Variants in STK32A observed in about 807,000 individuals in gnomAD.
The protein encoded by STK32A is serine/threonine-protein kinase 32A.
Under a neutral mutation model 53.2 loss-of-function variants are expected in STK32A, and 41 were observed. The ratio of observed to expected loss-of-function variants is 0.77; its 90% confidence interval spans 0.60 to 1.00. The LOEUF (loss-of-function observed/expected upper bound fraction) is 1.00, where lower values mean the gene tolerates loss of function less well. STK32A is among the 50% of genes least tolerant of loss of function. The probability of loss-of-function intolerance (pLI) is 0.00; values close to 1 mark genes in which losing one functional copy is unlikely to be tolerated. For synonymous variants in STK32A, 166 were observed against 162.8 expected (o/e 1.02, Z -0.15); for missense variants, 458 against 485.8 (o/e 0.94, Z 0.54).
intron 2 of STK32A, among the ~76,000 whole-genome samples, chr5:147,275,147 G>T (rs1755198731): frequency 2.0e-5 from 3 of 151,996 alleles, no homozygotes; most frequent in Admixed American, 2.0e-4. Flanking sequence ...AGTACTGTTA[G>T]ATTTCTGTTG....
chr5:147,279,219 AC>A, intron 3 of STK32A, 27 bp from the exon 4 acceptor site: 1 of 1,586,210 alleles, frequency 6.3e-7, no homozygotes, highest in East Asian at 2.3e-5. Context: ...CTCCCTAATC[AC>A]TCTCTCACTC....
At chr5:147,284,605 T>C (rs535152940) in intron 4 of STK32A, among the ~76,000 whole-genome samples, 4 of 150,786 alleles carry the variant, frequency 2.7e-5, no homozygotes, top group Non-Finnish European at 4.4e-5. Flanking sequence ...AGCTCTTCTA[T>C]ACACCAACAG....
intron 4 of STK32A, among the ~76,000 whole-genome samples, chr5:147,318,454 A>G (rs867768203): frequency 6.6e-6 from 1 of 151,950 alleles, no homozygotes; most frequent in Non-Finnish European, 1.5e-5. Context: ...GTGTATCCAT[A>G]AAGTTTCTTG....
At chr5:147,382,846 C>T (rs1757505429) in intron 11 of STK32A, 2 of 152,346 alleles carry the variant, frequency 1.3e-5, no homozygotes, top group African/African-American at 4.8e-5. Context: ...TTAATTCTCC[C>T]AGAAGTCACT....
the STK32A span, chr5:147,395,653 G>C: frequency 6.2e-7 from 1 of 1,614,082 alleles, no homozygotes. Context: ...TGCCACCTTT[G>C]GGGGTGGTGG....
intron 2 of STK32A, among the ~76,000 whole-genome samples, chr5:147,276,346 A>G (rs1241660623): frequency 1.3e-5 from 2 of 152,220 alleles, no homozygotes; most frequent in Non-Finnish European, 2.9e-5. Context: ...AGGCAGTACT[A>G]TGCTTACTAC....
the STK32A span, chr5:147,399,142 G>A: frequency 1.0e-4 from 165 of 1,614,188 alleles, no homozygotes; most frequent in African/African-American, 1.9e-3. Context: ...TGACGAGGTC[G>A]CTGTCAGAAC....
At chr5:147,332,069 C>A (rs929604350) in intron 5 of STK32A, among the ~76,000 whole-genome samples, 7 of 152,180 alleles carry the variant, frequency 4.6e-5, no homozygotes, top group Admixed American at 4.6e-4. Context: ...CTATTGTTTT[C>A]TTTGCTGCTA....
At chr5:147,283,401 A>C (rs894905229) in intron 4 of STK32A, among the ~76,000 whole-genome samples, 1 of 152,046 alleles carries the variant, frequency 6.6e-6, no homozygotes, top group African/African-American at 2.4e-5. Flanking sequence ...AAACAAGAAT[A>C]AACCAAACCC....
intron 7 of STK32A, among the ~76,000 whole-genome samples, chr5:147,356,621 T>C (rs1489152002): frequency 6.6e-6 from 1 of 152,136 alleles, no homozygotes; most frequent in Non-Finnish European, 1.5e-5. Context: ...AATTTTTTAT[T>C]GTTGAATGTT....
intron 2 of STK32A, among the ~76,000 whole-genome samples, chr5:147,272,382 A>G (rs553326602): frequency 6.6e-6 from 1 of 152,330 alleles, no homozygotes; most frequent in South Asian, 2.1e-4. Flanking sequence ...CAGCAATCAC[A>G]GATAATTAAA....
At chr5:147,308,051 G>T (rs903039476) in intron 4 of STK32A, among the ~76,000 whole-genome samples, 22 of 151,978 alleles carry the variant, frequency 1.4e-4, no homozygotes, top group African/African-American at 3.6e-4. Flanking sequence ...AAAGCTGCTG[G>T]TATGTATATT....
intron 4 of STK32A, among the ~76,000 whole-genome samples, chr5:147,288,942 C>T (rs1408532533): frequency 6.6e-6 from 1 of 152,170 alleles, no homozygotes; most frequent in African/African-American, 2.4e-5. Flanking sequence ...GGCCAGTACC[C>T]AGCACATAGT....
intron 7 of STK32A, among the ~76,000 whole-genome samples, chr5:147,358,642 T>C (rs1381605056): frequency 1.3e-5 from 2 of 152,086 alleles, no homozygotes; most frequent in Non-Finnish European, 2.9e-5. Context: ...ACACATACCA[T>C]TGAGTAAGAA....
At chr5:147,394,253 A>T in the STK32A span, 1 of 866,126 alleles carries the variant, frequency 1.2e-6, no homozygotes, top group African/African-American at 1.7e-5. Context: ...CTCACCTCCC[A>T]AGAAACTTCC....
chr5:147,331,747 G>T (rs1055919141), intron 5 of STK32A, among the ~76,000 whole-genome samples: 1 of 152,142 alleles, frequency 6.6e-6, no homozygotes, highest in Non-Finnish European at 1.5e-5. Flanking sequence ...GGACACAGAG[G>T]AACATACAAA....
intron 4 of STK32A, among the ~76,000 whole-genome samples, chr5:147,289,462 C>A (rs184009273): frequency 6.6e-6 from 1 of 151,998 alleles, no homozygotes; most frequent in Non-Finnish European, 1.5e-5. Context: ...TTATAAAATT[C>A]TAGTTTTCAG....
intron 4 of STK32A, among the ~76,000 whole-genome samples, chr5:147,292,417 G>T (rs763586877): frequency 1.3e-5 from 2 of 152,132 alleles, no homozygotes; most frequent in Non-Finnish European, 2.9e-5. Flanking sequence ...TCCAAATTCT[G>T]GAGGAATCAG....
intron 4 of STK32A, among the ~76,000 whole-genome samples, chr5:147,292,723 T>C (rs1220682303): frequency 6.6e-6 from 1 of 152,084 alleles, no homozygotes; most frequent in Non-Finnish European, 1.5e-5. Flanking sequence ...TAGCCAGACG[T>C]GGTGGCACAT....
Sources: gnomAD v4.1 joint callset for allele counts (sites outside exome capture counted in the v4.1 genomes callset) on GRCh38, gnomAD v4.1.1 for gene constraint, MANE v1.5 for transcripts, NCBI Gene and HGNC (gene_info 2026-07-23, HGNC 2026-07-21) for gene names.